Variants in PDE1C observed in about 807,000 individuals in gnomAD.
PDE1C encodes phosphodiesterase 1C, also known as dual specificity calcium/calmodulin-dependent 3',5'-cyclic nucleotide phosphodiesterase 1C.
PDE1C carries 62 observed loss-of-function variants against 93.1 expected under a neutral mutation model. The observed-to-expected ratio is 0.67, with a 90% CI of 0.54 to 0.82. The LOEUF is 0.82. Ranked by LOEUF, PDE1C falls within the 40% of genes least tolerant of loss-of-function variation. The pLI is 0.00. For synonymous variants in PDE1C, 325 were observed against 310.1 expected (o/e 1.05, Z -0.50); for missense variants, 742 against 884.6 (o/e 0.84, Z 2.04).
chr7:31,699,818 G>A, the PDE1C span, among the ~76,000 whole-genome samples: 6 of 151,870 alleles, frequency 4.0e-5, no homozygotes, highest in South Asian at 1.3e-3. Context: ...TATCTTTTAT[G>A]GTGATCTGTG....
chr7:31,858,797 C>T (rs1355568326), intron 7 of PDE1C, among the ~76,000 whole-genome samples: 1 of 151,812 alleles, frequency 6.6e-6, no homozygotes, highest in African/African-American at 2.4e-5. Context: ...ATTAAGAATA[C>T]TGAGAAATTC....
chr7:31,639,462 C>T, the PDE1C span, among the ~76,000 whole-genome samples: 10 of 150,932 alleles, frequency 6.6e-5, no homozygotes, highest in South Asian at 2.1e-4. Flanking sequence ...TTGCATATAT[C>T]CACTTAACAT....
chr7:32,289,781 C>A (rs1479367911), intron 1 of PDE1C, among the ~76,000 whole-genome samples: 1 of 152,174 alleles, frequency 6.6e-6, no homozygotes, highest in African/African-American at 2.4e-5. Context: ...CCATGCAAGT[C>A]CAGAAGGGGT....
intron 3 of PDE1C, among the ~76,000 whole-genome samples, chr7:32,080,228 T>TCA (rs1349801816): frequency 2.6e-5 from 4 of 152,060 alleles, no homozygotes; most frequent in Non-Finnish European, 2.9e-5. Context: ...AGGGACCCAT[T>TCA]CAACTGTAGT....
At chr7:31,784,726 C>T (rs1216870091) in intron 16 of PDE1C, 1 of 151,894 alleles carries the variant, frequency 6.6e-6, no homozygotes, top group Non-Finnish European at 1.5e-5. Context: ...CCTAACCAAG[C>T]TCTACAAATG....
intron 1 of PDE1C, among the ~76,000 whole-genome samples, chr7:32,276,299 T>C (rs1042606609): frequency 1.3e-5 from 2 of 152,166 alleles, no homozygotes. Flanking sequence ...AAAACAAGCA[T>C]AAACAGGATT....
chr7:31,759,160 T>C (rs1794673089), intron 17 of PDE1C, among the ~76,000 whole-genome samples: 1 of 152,186 alleles, frequency 6.6e-6, no homozygotes, highest in South Asian at 2.1e-4. Flanking sequence ...ACATTGCTGT[T>C]TTGTATGCAT....
intron 1 of PDE1C, among the ~76,000 whole-genome samples, chr7:32,379,435 C>T (rs1784492070): frequency 6.6e-6 from 1 of 152,192 alleles, no homozygotes; most frequent in African/African-American, 2.4e-5. Flanking sequence ...AGACCATTGT[C>T]CATGAGCTGT....
At chr7:32,223,675 C>T (rs1442182230) in intron 1 of PDE1C, among the ~76,000 whole-genome samples, 2 of 152,162 alleles carry the variant, frequency 1.3e-5, no homozygotes, top group African/African-American at 4.8e-5. Context: ...GATATAAGCT[C>T]CCTGAAGGCA....
chr7:31,682,993 A>G, the PDE1C span, among the ~76,000 whole-genome samples: 5 of 152,162 alleles, frequency 3.3e-5, no homozygotes, highest in Non-Finnish European at 7.4e-5. Context: ...CTGGGAGGGT[A>G]AAGGGAAGGG....
rs116456060 is a variant in PDE1C at position 31,871,023 on chromosome 7, T to C, written c.609+2269A>G. On this transcript the variant is annotated intron_variant, in intron 6 of 17. Coordinates refer to ENST00000396191, the MANE Select transcript of PDE1C (RefSeq NM_001191057.4). ...AAAATAGTATTTTCTGGTATTAGTA[T>C]AAAAACAGACACACAGTCCAATGGA... is the stretch of plus-strand genomic sequence containing the variant. Among the ~76,000 whole-genome samples, 1,261 of 151,676 alleles carry C rather than the reference T, an allele frequency of 8.3e-3. 18 individuals are homozygous for C. The highest frequency in any genetic ancestry group is 0.028 in the African/African-American group (1,162 of 41,448).
the PDE1C span, among the ~76,000 whole-genome samples, chr7:31,736,776 A>T: frequency 6.6e-6 from 1 of 152,206 alleles, no homozygotes; most frequent in Non-Finnish European, 1.5e-5. Flanking sequence ...AAAAGGAGAC[A>T]TGATATTCCA....
intron 3 of PDE1C, among the ~76,000 whole-genome samples, chr7:32,111,200 A>G (rs1443060349): frequency 6.6e-6 from 1 of 152,162 alleles, no homozygotes; most frequent in Non-Finnish European, 1.5e-5. Flanking sequence ...ATATAAGAAA[A>G]TTAAATCAGT....
At chr7:32,033,262 G>A (rs962387858) in intron 2 of PDE1C, among the ~76,000 whole-genome samples, 11 of 152,052 alleles carry the variant, frequency 7.2e-5, no homozygotes, top group Non-Finnish European at 1.6e-4. Context: ...TGGGCTCAAA[G>A]AAAAGGGAGA....
chr7:32,174,063 CAT>C (rs1414037077), intron 2 of PDE1C, among the ~76,000 whole-genome samples: 1 of 152,118 alleles, frequency 6.6e-6, no homozygotes, highest in African/African-American at 2.4e-5. Flanking sequence ...GGGCCCTACA[CAT>C]ATATCTTAAT....
At chr7:32,381,177 CAGA>C (rs1349374950) in intron 1 of PDE1C, among the ~76,000 whole-genome samples, 2 of 151,496 alleles carry the variant, frequency 1.3e-5, no homozygotes, top group Non-Finnish European at 2.9e-5. Context: ...AAAATACAAG[CAGA>C]AGATGACTAC....
intron 3 of PDE1C, among the ~76,000 whole-genome samples, chr7:32,118,820 C>G (rs1440825198): frequency 6.6e-6 from 1 of 152,196 alleles, no homozygotes; most frequent in East Asian, 1.9e-4. Context: ...TAAATTTCAA[C>G]CTGAGTTTCA....
chr7:32,050,265 T>A (rs1360945332), intron 2 of PDE1C, among the ~76,000 whole-genome samples: 2 of 152,204 alleles, frequency 1.3e-5, no homozygotes, highest in Non-Finnish European at 2.9e-5. Flanking sequence ...ATATGCTTAC[T>A]AAAAGTTTAT....
the PDE1C span, chr7:31,642,626 C>T: frequency 6.7e-7 from 1 of 1,495,186 alleles, no homozygotes. Flanking sequence ...TCACCTTAAA[C>T]CTATTGCCTC....
Sources: gnomAD v4.1 joint callset for allele counts (sites outside exome capture counted in the v4.1 genomes callset) on GRCh38, gnomAD v4.1.1 for gene constraint, MANE v1.5 for transcripts, NCBI Gene and HGNC (gene_info 2026-07-23, HGNC 2026-07-21) for gene names.